ELMO1: variants seen among roughly 807,000 people sequenced by gnomAD.
The protein encoded by ELMO1 is engulfment and cell motility protein 1.
Under a neutral mutation model 98.9 loss-of-function variants are expected in ELMO1, and 26 were observed. That is an observed-to-expected ratio of 0.26 (90% CI 0.19 to 0.36). The LOEUF is 0.36. Among genes scored for constraint, ELMO1 ranks in the 10% least tolerant of loss-of-function variants. ELMO1 has a pLI of 1.00. For missense variants in ELMO1, 627 were observed against 935.2 expected (o/e 0.67, Z 4.30); for synonymous variants, 346 against 346.0 (o/e 1.00, Z 0.00).
intron 16 of ELMO1, among the ~76,000 whole-genome samples, chr7:36,897,429 CT>C (rs1229385366): frequency 4.0e-5 from 6 of 150,112 alleles, no homozygotes; most frequent in Middle Eastern, 3.5e-3. Flanking sequence ...TTACAAGAGC[CT>C]TTTCTTTTTT....
At chr7:37,209,498 A>C (rs1385534640) in intron 13 of ELMO1, among the ~76,000 whole-genome samples, 1 of 152,242 alleles carries the variant, frequency 6.6e-6, no homozygotes, top group African/African-American at 2.4e-5. Flanking sequence ...TTGCAGTCAC[A>C]GGAGCACCCT....
At chr7:37,173,714 C>T (rs912929857) in intron 13 of ELMO1, among the ~76,000 whole-genome samples, 1 of 152,164 alleles carries the variant, frequency 6.6e-6, no homozygotes, top group South Asian at 2.1e-4. Flanking sequence ...CTGTTAAGCT[C>T]AAAACTTATA....
intron 2 of ELMO1, among the ~76,000 whole-genome samples, chr7:37,331,188 G>GTTTA: frequency 1.1e-5 from 1 of 93,792 alleles, no homozygotes; most frequent in South Asian, 3.6e-4. Context: ...TTTTTTTTTG[G>GTTTA]AGACACAGTC....
At chr7:37,180,534 G>A (rs570151751) in intron 13 of ELMO1, among the ~76,000 whole-genome samples, 7 of 152,222 alleles carry the variant, frequency 4.6e-5, no homozygotes, top group African/African-American at 1.4e-4. Context: ...AGCTAAATCC[G>A]CACAGGATGG....
intron 16 of ELMO1, among the ~76,000 whole-genome samples, chr7:36,998,546 T>C (rs74450881): frequency 0.028 from 4,201 of 152,314 alleles, 164 homozygotes; most frequent in African/African-American, 0.079. Context: ...TATATGTCTG[T>C]ATCTATATCT....
intron 14 of ELMO1, among the ~76,000 whole-genome samples, chr7:37,098,735 G>A (rs1257149352): frequency 6.6e-6 from 1 of 152,178 alleles, no homozygotes; most frequent in Non-Finnish European, 1.5e-5. Context: ...GGGAGAATAA[G>A]TTCCATTAAT....
At chr7:37,008,911 G>A (rs7805118) in intron 16 of ELMO1, among the ~76,000 whole-genome samples, 2 of 151,968 alleles carry the variant, frequency 1.3e-5, no homozygotes, top group Middle Eastern at 3.2e-3. Context: ...AGCTTCCCCC[G>A]CCACCCCCGA....
intron 13 of ELMO1, among the ~76,000 whole-genome samples, chr7:37,168,840 G>A (rs900091878): frequency 1.1e-4 from 16 of 152,284 alleles, no homozygotes; most frequent in Middle Eastern, 3.4e-3. Flanking sequence ...CTCCAGCTGC[G>A]TGCTGGGAGA....
chr7:36,974,136 A>G (rs1790271105), intron 16 of ELMO1, among the ~76,000 whole-genome samples: 1 of 152,240 alleles, frequency 6.6e-6, no homozygotes, highest in East Asian at 1.9e-4. Context: ...CGCACAGCGC[A>G]GGACTGGCAG....
At chr7:37,269,319 C>G (rs955507680) in intron 5 of ELMO1, 2 of 152,052 alleles carry the variant, frequency 1.3e-5, no homozygotes, top group African/African-American at 4.8e-5. Flanking sequence ...AATCCAGCCT[C>G]TCTATTAAGG....
At chr7:37,344,307 C>A (rs548655293) in intron 1 of ELMO1, among the ~76,000 whole-genome samples, 4 of 152,306 alleles carry the variant, frequency 2.6e-5, no homozygotes, top group African/African-American at 9.6e-5. Context: ...GCTGGGATTG[C>A]AGGCGTGAGC....
At chr7:37,318,768 T>C (rs1799336976) in intron 2 of ELMO1, among the ~76,000 whole-genome samples, 2 of 152,138 alleles carry the variant, frequency 1.3e-5, no homozygotes, top group Non-Finnish European at 2.9e-5. Context: ...CATTCTTCCA[T>C]CTACCCCAAT....
chr7:37,313,712 G>C (rs895661422), intron 4 of ELMO1, among the ~76,000 whole-genome samples: 4 of 152,086 alleles, frequency 2.6e-5, no homozygotes, highest in African/African-American at 9.7e-5. Flanking sequence ...GGTAGAGCAA[G>C]GGAGTCCTAA....
rs534038790 is a variant in ELMO1 at position 36,981,593 on chromosome 7, G to T, written c.1437+31706C>A. 3.3e-5 allele frequency among the ~76,000 whole-genome samples: 5 copies of T among 152,200 alleles called. No individual in the cohort carries two copies. The South Asian group carries it at 1.0e-3, about 32-fold the overall frequency. ...AGAGTTACCTTCTCAGTTATGGTTTGTTTATAATTAAAATTAAACCCACGT... is the reference window on the plus strand; with the variant it reads ...AGAGTTACCTTCTCAGTTATGGTTTTTTTATAATTAAAATTAAACCCACGT... On this transcript the variant is annotated intron_variant, in intron 16 of 21. Coordinates refer to ENST00000310758, the MANE Select transcript of ELMO1 (RefSeq NM_014800.11).
intron 15 of ELMO1, among the ~76,000 whole-genome samples, chr7:37,080,600 ATTTT>A (rs764259726): frequency 3.8e-5 from 4 of 105,216 alleles, no homozygotes; most frequent in Non-Finnish European, 7.3e-5. Flanking sequence ...ACCACGCCTA[ATTTT>A]TTTTTTTTTT....
At position 37,211,349 on chromosome 7, in the gene ELMO1, C is replaced by T. The variant is rs775062701; in HGVS notation, c.1086+37G>A. The stretch of plus-strand genomic sequence containing the variant: ...GTGGCTGAGGTCAGGCCCGGGGAGG[C>T]TGGAGGGAGAGCGCATACTGGAGAT... On this transcript the variant is annotated intron_variant, in intron 13 of 21. Coordinates refer to ENST00000310758, the MANE Select transcript of ELMO1 (RefSeq NM_014800.11). The T allele has an allele frequency of 3.7e-6, 6 of 1,613,254 alleles. No individual in the cohort carries two copies. The South Asian group carries it at 4.4e-5, about 12-fold the overall frequency.
intron 19 of ELMO1, among the ~76,000 whole-genome samples, chr7:36,874,038 C>A (rs1363829036): frequency 2.0e-5 from 3 of 152,200 alleles, no homozygotes; most frequent in African/African-American, 7.2e-5. Context: ...CCTAGCAGAT[C>A]AGCCACATGG....
intron 13 of ELMO1, among the ~76,000 whole-genome samples, chr7:37,180,158 G>A (rs1333194142): frequency 6.6e-6 from 1 of 152,076 alleles, no homozygotes; most frequent in African/African-American, 2.4e-5. Context: ...GAAACTAAAG[G>A]AATAGCAGCA....
At chr7:36,894,771 GC>G in intron 17 of ELMO1, 82 bp downstream of exon 17, 2 of 1,568,010 alleles carry the variant, frequency 1.3e-6, no homozygotes, top group Non-Finnish European at 1.7e-6. Flanking sequence ...TCACAACACA[GC>G]CCAGCTTCAT....
Sources: gnomAD v4.1 joint callset for allele counts (sites outside exome capture counted in the v4.1 genomes callset) on GRCh38, gnomAD v4.1.1 for gene constraint, MANE v1.5 for transcripts, NCBI Gene and HGNC (gene_info 2026-07-23, HGNC 2026-07-21) for gene names.